WDFY4: variants seen among roughly 807,000 people sequenced by gnomAD.
WDFY4 encodes WDFY family member 4.
Under a neutral mutation model 351.9 loss-of-function variants are expected in WDFY4, and 169 were observed. The ratio of observed to expected loss-of-function variants is 0.48; its 90% CI spans 0.42 to 0.55. The LOEUF (loss-of-function observed/expected upper bound fraction) is 0.55. Ranked by LOEUF, WDFY4 falls within the 20% of genes least tolerant of loss-of-function variation. The pLI, the probability that WDFY4 is intolerant of heterozygous loss-of-function variation, is 0.00. For missense variants in WDFY4, 3,803 were observed against 3,935.6 expected (o/e 0.97, Z 0.90); for synonymous variants, 1,622 against 1,574.6 (o/e 1.03, Z -0.71).
chr10:48,895,922 C>T (rs182396520), intron 44 of WDFY4, among the ~76,000 whole-genome samples: 7 of 152,298 alleles, frequency 4.6e-5, no homozygotes, highest in African/African-American at 1.4e-4. Context: ...TCCCTCATCA[C>T]ACGTGGGTCC....
At chr10:48,747,833 G>C (rs17836430) in intron 12 of WDFY4, among the ~76,000 whole-genome samples, 11,316 of 152,232 alleles carry the variant, frequency 0.074, 634 homozygotes, top group East Asian at 0.24. Flanking sequence ...AATCATGGAA[G>C]GTCCCTTGTA....
At chr10:48,689,998 A>G (rs1460584595) in intron 1 of WDFY4, among the ~76,000 whole-genome samples, 1 of 152,256 alleles carries the variant, frequency 6.6e-6, no homozygotes, top group Non-Finnish European at 1.5e-5. Context: ...GTGCACTTGC[A>G]TTAGACCACA....
At position 48,774,260 on chromosome 10, in the gene WDFY4, C is replaced by G. The variant is rs559605532; in HGVS notation, c.2554-198C>G. On this transcript the variant is annotated intron_variant, in intron 13 of 61. Coordinates refer to ENST00000325239, the MANE Select transcript of WDFY4 (RefSeq NM_001394531.1). ...CAGCTTGTGTCCTGCCAGAGGCTGC[C>G]TCCCACAGACTTGCCCCCCGCCAGG... Among the ~76,000 whole-genome samples the G allele has an allele frequency of 1.9e-3, 278 of 144,600 alleles. 2 individuals are homozygous for G. The highest frequency in any genetic ancestry group is 6.7e-3 in the African/African-American group (248 of 36,940). The allele number at this position is 144,600 out of a possible 152,430, so 94.9% of individuals were successfully genotyped here. A position where few individuals can be genotyped will look rare whatever the true frequency, so the allele number is the denominator to read the frequency against.
At chr10:48,708,427 C>T (rs1367725173) in intron 1 of WDFY4, among the ~76,000 whole-genome samples, 1 of 152,176 alleles carries the variant, frequency 6.6e-6, no homozygotes, top group Non-Finnish European at 1.5e-5. Context: ...TCTCTATGTC[C>T]CTCTGGTCAC....
At chr10:48,775,831 C>A in intron 15 of WDFY4, 25 bp downstream of exon 15, 3 of 1,537,446 alleles carry the variant, frequency 2.0e-6, no homozygotes, top group Non-Finnish European at 2.6e-6. Context: ...AAGAACGGGG[C>A]AGGTTAATGG....
chr10:48,925,955 C>T (rs186961534), intron 47 of WDFY4, among the ~76,000 whole-genome samples: 63 of 152,236 alleles, frequency 4.1e-4, no homozygotes, highest in African/African-American at 1.4e-3. Flanking sequence ...AATTGAGACT[C>T]AGAGAAGTTA....
chr10:48,830,671 C>CA (rs1337801081), intron 37 of WDFY4, 29 bp from the exon 38 acceptor site: 1 of 1,542,970 alleles, frequency 6.5e-7, no homozygotes, highest in Non-Finnish European at 8.8e-7. Flanking sequence ...TGAGGCCATC[C>CA]TGAGTGTGCC....
chr10:48,828,481 CT>C (rs2068078092), intron 36 of WDFY4, among the ~76,000 whole-genome samples: 1 of 152,128 alleles, frequency 6.6e-6, no homozygotes, highest in Admixed American at 6.5e-5. Flanking sequence ...AAAGAAATGA[CT>C]AGTTTTGATG....
At chr10:48,797,531 G>A (rs2066915798) in intron 24 of WDFY4, among the ~76,000 whole-genome samples, 1 of 152,114 alleles carries the variant, frequency 6.6e-6, no homozygotes, top group African/African-American at 2.4e-5. Flanking sequence ...TCATAGTCAT[G>A]ATTATACTGT....
At chr10:48,965,876 C>CTATATCAGTTAGATAAAGAT (rs1464199328) in intron 54 of WDFY4, among the ~76,000 whole-genome samples, 1 of 152,192 alleles carries the variant, frequency 6.6e-6, no homozygotes, top group African/African-American at 2.4e-5. Context: ...AAGATTATAT[C>CTATATCAGTTAGATAAAGAT]TATATCTATA....
chr10:48,978,190 G>A, intron 59 of WDFY4, 119 bp from the exon 60 acceptor site: 1 of 919,686 alleles, frequency 1.1e-6, no homozygotes, highest in South Asian at 1.8e-5. Flanking sequence ...AGTGAAAGGG[G>A]GGCCATGTGT....
At chr10:48,746,256 A>G (rs1172839282) in intron 12 of WDFY4, 4 of 152,270 alleles carry the variant, frequency 2.6e-5, no homozygotes, top group Admixed American at 6.5e-5. Flanking sequence ...AGGTTGTAAG[A>G]ATCATACATA....
At chr10:48,894,056 G>A (rs116247982) in intron 44 of WDFY4, among the ~76,000 whole-genome samples, 1 of 152,184 alleles carries the variant, frequency 6.6e-6, no homozygotes, top group South Asian at 2.1e-4. Flanking sequence ...AATCACAGCT[G>A]TGTGAATGTT....
chr10:48,844,259 G>C (rs893890137), intron 39 of WDFY4, among the ~76,000 whole-genome samples: 8 of 152,180 alleles, frequency 5.3e-5, no homozygotes, highest in Non-Finnish European at 1.0e-4. Flanking sequence ...AGGAAGGAGA[G>C]ATGGAATGTG....
chr10:48,967,841 G>A (rs1842154193), intron 55 of WDFY4: 1 of 152,298 alleles, frequency 6.6e-6, no homozygotes. Context: ...AATGGTTTTA[G>A]TGGTGTCCTT....
intron 47 of WDFY4, among the ~76,000 whole-genome samples, chr10:48,931,842 CTT>C (rs1207116254): frequency 6.6e-6 from 1 of 152,212 alleles, no homozygotes; most frequent in Non-Finnish European, 1.5e-5. Flanking sequence ...TTCCTTAGGA[CTT>C]TGTGCAAACA....
chr10:48,699,796 G>T (rs1356921757), intron 1 of WDFY4, among the ~76,000 whole-genome samples: 1 of 152,080 alleles, frequency 6.6e-6, no homozygotes, highest in African/African-American at 2.4e-5. Flanking sequence ...TGAGGGTGAG[G>T]GGTGATCAGG....
intron 1 of WDFY4, among the ~76,000 whole-genome samples, chr10:48,706,602 T>C (rs1438275665): frequency 6.6e-6 from 1 of 152,198 alleles, no homozygotes. Flanking sequence ...TCTTGTACAC[T>C]TATGTAGAAG....
intron 2 of WDFY4, among the ~76,000 whole-genome samples, chr10:48,711,128 T>G (rs542922748): frequency 6.6e-6 from 1 of 152,246 alleles, no homozygotes; most frequent in African/African-American, 2.4e-5. Flanking sequence ...TTCCTCTAAC[T>G]TATTCATCAG....
Sources: allele counts gnomAD v4.1 joint callset (sites outside exome capture counted in the v4.1 genomes callset), GRCh38; gene constraint gnomAD v4.1.1; transcripts MANE v1.5; gene names NCBI Gene and HGNC (gene_info 2026-07-23, HGNC 2026-07-21).